The following MID1 variants were observed in gnomAD, a reference collection of about 807,000 sequenced individuals.
The protein encoded by MID1 is E3 ubiquitin-protein ligase Midline-1.
In MID1, 7 loss-of-function variants were observed where a neutral mutation model predicts 40.4. That is an observed-to-expected ratio of 0.17 (90% CI 0.10 to 0.33). The LOEUF is 0.33. Among genes scored for constraint, MID1 ranks in the 10% least tolerant of loss-of-function variants. MID1 has a pLI of 1.00. For synonymous variants in MID1, 229 were observed against 221.2 expected, an observed-to-expected ratio of 1.04 and a Z score of -0.31; for missense variants, 367 against 558.5, an observed-to-expected ratio of 0.66 and a Z score of 3.46.
chrX:10,581,860 G>A (rs770983081), intron 1 of MID1, among the ~76,000 whole-genome samples: 2 of 111,185 alleles, frequency 1.8e-5, no homozygotes, highest in South Asian at 3.9e-4. Context: ...CTTCACTTCC[G>A]CTTCCCAGTG....
At chrX:10,646,068 GCCACCACTCCCCGAACCACA>G (rs1207803107) in intron 1 of MID1, among the ~76,000 whole-genome samples, 1 of 111,141 alleles carries the variant, frequency 9.0e-6, no homozygotes, top group Non-Finnish European at 1.9e-5. Context: ...TACTCTCCTC[GCCACCACTCCCCGAACCACA>G]CTGCCACTCC....
At chrX:10,579,809 T>C (rs1487693765) in intron 1 of MID1, among the ~76,000 whole-genome samples, 1 of 108,411 alleles carries the variant, frequency 9.2e-6, no homozygotes, top group Non-Finnish European at 1.9e-5. Context: ...TTTTTTTTTT[T>C]AAAGGCAACA....
intron 3 of MID1, among the ~76,000 whole-genome samples, chrX:10,513,057 TTGC>T (rs1932235568): frequency 8.9e-6 from 1 of 112,485 alleles, no homozygotes; most frequent in Non-Finnish European, 1.9e-5. Flanking sequence ...CTCAATTATT[TTGC>T]TGTGGAATTT....
intron 2 of MID1, among the ~76,000 whole-genome samples, chrX:10,556,343 T>G (rs1001135792): frequency 1.8e-5 from 2 of 111,359 alleles, no homozygotes; most frequent in South Asian, 7.6e-4. Flanking sequence ...GCCACCCGCA[T>G]CCCCAGACTT....
intron 1 of MID1, among the ~76,000 whole-genome samples, chrX:10,759,798 C>T (rs1176912581): frequency 8.9e-6 from 1 of 112,040 alleles, no homozygotes. Flanking sequence ...AGTTCTCTAG[C>T]ATAAGAAATG....
rs942098455 is a variant in MID1 at position 10,467,289 on chromosome X, T to C, written c.1285+2408A>G. The stretch of plus-strand genomic sequence containing the variant: ...ATTTTAGAGAATTAGTATTTCTTTA[T>C]GATTTGCAGTAGGGCATATAGAGTC... On this transcript the variant is annotated intron_variant, in intron 7 of 9. Transcript: ENST00000317552. Among the ~76,000 whole-genome samples the C allele has an allele frequency of 3.6e-5, 4 of 111,911 alleles. No individual in the cohort carries two copies. In the South Asian group the frequency reaches 1.5e-3, roughly 42 times the overall value.
At chrX:10,796,566 A>G (rs2043969400) in intron 1 of MID1, among the ~76,000 whole-genome samples, 1 of 109,972 alleles carries the variant, frequency 9.1e-6, no homozygotes, top group South Asian at 3.9e-4. Flanking sequence ...ACCCTCTACT[A>G]GTAGCTTGCA....
Position 10,656,389 on chromosome X carries a change from A to G in MID1, c.-186-35970T>C, listed in dbSNP as rs771319599. ...CACCTGTCAGGTTGGCCCCCTTCCT[A>G]TGGCCTTTTGCCAAGGGTCTGTACT... is the stretch of plus-strand genomic sequence containing the variant. On this transcript the variant is annotated intron_variant, in intron 1 of 10. Transcript: ENST00000380785. Among the ~76,000 whole-genome samples the G allele has an allele frequency of 4.5e-5, 5 of 111,282 alleles. No homozygotes were observed. The South Asian group carries it at 1.9e-3, about 43-fold the overall frequency.
chrX:10,583,099 T>C (rs1254130061), intron 1 of MID1, among the ~76,000 whole-genome samples: 1 of 111,787 alleles, frequency 8.9e-6, no homozygotes, highest in Non-Finnish European at 1.9e-5. Flanking sequence ...ACTCTTTCAT[T>C]CCACTGGTAT....
chrX:10,502,911 C>T (rs16986154), intron 3 of MID1, among the ~76,000 whole-genome samples: 7,772 of 111,678 alleles, frequency 0.07, 556 homozygotes, highest in African/African-American at 0.21. Flanking sequence ...CATCCAAATT[C>T]GAAGGGGTTA....
At chrX:10,738,960 A>G (rs189494383) in intron 1 of MID1, among the ~76,000 whole-genome samples, 2 of 110,031 alleles carry the variant, frequency 1.8e-5, no homozygotes, top group South Asian at 3.8e-4. Flanking sequence ...AAAAAAAAAA[A>G]AAAGAAAGAA....
In MID1 at chrX:10,553,069, G is replaced by A. The variant is rs185060521; in HGVS notation, c.660+13819C>T. ...TCGAGATCAGCCTGGCCAACCTGGC[G>A]AAACCCCGTCTCTACTAAAAATACA... On this transcript the variant is annotated intron_variant, in intron 2 of 9. Coordinates refer to ENST00000317552, the MANE Select transcript of MID1 (RefSeq NM_000381.4). 3.0e-4 allele frequency among the ~76,000 whole-genome samples: 33 copies of A among 109,843 alleles called. 1 individual carries two copies. In the East Asian group the frequency reaches 8.0e-3, roughly 27 times the overall value.
At chrX:10,609,272 G>A (rs778799311) in intron 1 of MID1, among the ~76,000 whole-genome samples, 72 of 111,149 alleles carry the variant, frequency 6.5e-4, no homozygotes, top group Admixed American at 1.5e-3. Flanking sequence ...CCTCTGTGTG[G>A]GTGGATGTGT....
At chrX:10,689,538 T>C (rs191235330) in intron 1 of MID1, among the ~76,000 whole-genome samples, 40 of 111,658 alleles carry the variant, frequency 3.6e-4, no homozygotes, top group Non-Finnish European at 6.2e-4. Flanking sequence ...TCTATATCTA[T>C]GTATATTTAT....
chrX:10,773,516 C>T (rs928328426), intron 1 of MID1, among the ~76,000 whole-genome samples: 1 of 112,415 alleles, frequency 8.9e-6, no homozygotes, highest in Non-Finnish European at 1.9e-5. Flanking sequence ...AGCTTTCGTT[C>T]CACTGATACT....
chrX:10,647,071 T>A (rs770850628), intron 1 of MID1, among the ~76,000 whole-genome samples: 1 of 111,870 alleles, frequency 8.9e-6, no homozygotes, highest in African/African-American at 3.2e-5. Flanking sequence ...AATGACCAAA[T>A]CTTTTTATGG....
At chrX:10,771,242 G>C (rs2043766471) in intron 1 of MID1, among the ~76,000 whole-genome samples, 1 of 111,434 alleles carries the variant, frequency 9.0e-6, no homozygotes, top group African/African-American at 3.3e-5. Context: ...CCTATTGTAG[G>C]TTTAATTGTT....
At chrX:10,478,405 T>C (rs1339925781) in intron 5 of MID1, among the ~76,000 whole-genome samples, 2 of 112,133 alleles carry the variant, frequency 1.8e-5, no homozygotes, top group African/African-American at 6.5e-5. Context: ...CATTATTGCA[T>C]TTTATCCCCA....
At chrX:10,639,354 C>A (rs1936160513) in intron 1 of MID1, among the ~76,000 whole-genome samples, 1 of 111,858 alleles carries the variant, frequency 8.9e-6, no homozygotes. Flanking sequence ...GGCATGAGAA[C>A]TACGTGATGC....
Sources: gnomAD v4.1 joint callset for allele counts (sites outside exome capture counted in the v4.1 genomes callset) on GRCh38, gnomAD v4.1.1 for gene constraint, MANE v1.5 for transcripts, NCBI Gene and HGNC (gene_info 2026-07-23, HGNC 2026-07-21) for gene names.